The following CRELD2 variants were observed in gnomAD, a reference collection of about 807,000 sequenced individuals.
CRELD2 encodes CRELD disulfide isomerase 2.
A neutral mutation model predicts 48.1 loss-of-function variants in CRELD2; 33 were observed. The ratio of observed to expected loss-of-function variants is 0.69; its 90% confidence interval spans 0.52 to 0.92. CRELD2 has a LOEUF of 0.92. CRELD2 is among the 40% of genes least tolerant of loss of function. The pLI is 0.00. For missense variants in CRELD2, 477 were observed against 482.4 expected, an observed-to-expected ratio of 0.99 and a Z score of 0.10; for synonymous variants, 220 against 203.9, an observed-to-expected ratio of 1.08 and a Z score of -0.67.
rs184567550 is a variant in CRELD2 at position 49,925,172 on chromosome 22, G to T, written c.869-245G>T. On this transcript the variant is annotated intron_variant, in intron 8 of 9. Coordinates refer to ENST00000328268, the MANE Select transcript of CRELD2 (RefSeq NM_024324.5). ...GGAAAAGAAAGTGGGCTTCCTGGGC[G>T]CATGCTGGCCTTCCGGCCCCACCTG... 141 of 348,728 alleles carry T rather than the reference G, an allele frequency of 4.0e-4. 1 individual carries two copies. Among genetic ancestry groups the T allele is most frequent in the African/African-American group, 2.8e-3 (129 of 46,686 alleles). 21.6% of individuals were successfully genotyped at this position (348,728 alleles called of 1,614,324 possible). A position where few individuals can be genotyped will look rare whatever the true frequency, so the allele number is the denominator to read the frequency against.
intron 5 of CRELD2, 41 bp downstream of exon 5, chr22:49,921,802 A>T (rs1378826724): frequency 1.9e-6 from 3 of 1,575,264 alleles, no homozygotes; most frequent in East Asian, 4.5e-5. Flanking sequence ...TTGAGGCGGG[A>T]TGACAAGAGC....
chr22:49,923,004 G>A (rs375697289), intron 6 of CRELD2, among the ~76,000 whole-genome samples: 2 of 151,342 alleles, frequency 1.3e-5, no homozygotes, highest in East Asian at 1.9e-4. Context: ...CGCCTGCCCC[G>A]GTTGGCACTG....
chr22:49,923,253 C>G lies in CRELD2; in HGVS notation c.708C>G (p.Ala236=), dbSNP rs111557567. Residue 236 remains alanine (A), a synonymous_variant, in exon 7 of 10, where the codon GCC becomes GCG. Transcript: ENST00000328268. ...GACVDVDECA[A]EPPPCSAAQF... ...TTCCAGATGTGGACGAGTGTGCGGC[C>G]GAGCCGCCTCCCTGCAGCGCTGCGC... 12 of 1,590,314 alleles carry G rather than the reference C, an allele frequency of 7.5e-6. No homozygotes were observed. The highest frequency in any genetic ancestry group is 2.7e-5 in the African/African-American group (2 of 74,174).
chr22:49,923,743 C>T (rs1443309991), intron 7 of CRELD2: 3 of 305,514 alleles, frequency 9.8e-6, no homozygotes, highest in African/African-American at 2.7e-5. Context: ...TGGACGTTTA[C>T]GTCATAACAG....
chr22:49,922,136 A>G (rs2060694373), intron 5 of CRELD2: 1 of 827,932 alleles, frequency 1.2e-6, no homozygotes, highest in East Asian at 2.7e-5. Flanking sequence ...GCATCTTTCC[A>G]AAGGACGTTT....
intron 5 of CRELD2, 79 bp downstream of exon 5, chr22:49,921,840 G>A (rs1411154521): frequency 1.4e-6 from 2 of 1,426,346 alleles, no homozygotes; most frequent in East Asian, 4.6e-5. Context: ...TGCCTAGATG[G>A]GAACAGGGGC....
intron 9 of CRELD2, 124 bp from the exon 10 acceptor site, chr22:49,927,131 C>A: frequency 2.4e-6 from 2 of 838,942 alleles, no homozygotes; most frequent in Non-Finnish European, 4.1e-6. Flanking sequence ...TGGATGGCTG[C>A]GTCCGGGGCT....
intron 6 of CRELD2, among the ~76,000 whole-genome samples, 168 bp downstream of exon 6, chr22:49,922,875 G>C (rs1488990673): frequency 5.6e-5 from 6 of 108,056 alleles, no homozygotes; most frequent in East Asian, 3.5e-4. Context: ...GGTGTGGGGG[G>C]CGTGAGGTGT....
In CRELD2 at chr22:49,927,536, G is replaced by A; in HGVS notation, c.*229G>A. Reference sequence around the variant, plus strand: ...ATTGACCATTGTAGGTAATCAGGAGGAGAACGGGCGTGGGTTTGTCTCATT... The same window carrying A: ...ATTGACCATTGTAGGTAATCAGGAGAAGAACGGGCGTGGGTTTGTCTCATT... On this transcript the variant is annotated 3_prime_UTR_variant, in exon 10 of 10. Coordinates refer to ENST00000328268, the MANE Select transcript of CRELD2 (RefSeq NM_024324.5). 1 of 541,964 alleles carries A rather than the reference G, an allele frequency of 1.8e-6. No homozygotes were observed. The allele number at this position is 541,964 out of a possible 1,614,324, so 33.6% of individuals were successfully genotyped here.
chr22:49,920,331 G>A (rs2060671758), intron 4 of CRELD2, 84 bp downstream of exon 4: 2 of 969,348 alleles, frequency 2.1e-6, no homozygotes, highest in Non-Finnish European at 3.2e-6. Context: ...AAGCACAGAG[G>A]GGACCTGGGG....
intron 7 of CRELD2, chr22:49,923,564 T>C: frequency 1.6e-6 from 1 of 608,228 alleles, no homozygotes; most frequent in Non-Finnish European, 3.0e-6. Flanking sequence ...CCTCCACTGC[T>C]CGTGCCCCCC....
At chr22:49,927,182 C>T in intron 9 of CRELD2, 73 bp from the exon 10 acceptor site, 1 of 1,337,848 alleles carries the variant, frequency 7.5e-7, no homozygotes, top group Non-Finnish European at 1.1e-6. Flanking sequence ...ACATGCGCTG[C>T]TGTCCTGGGA....
chr22:49,919,280 G>A lies in CRELD2; in HGVS notation c.180G>A (p.Trp60Ter). Residue 60 changes from tryptophan to a stop codon, truncating the protein, a stop_gained, in exon 2 of 10, where the codon TGG becomes TGA. Coordinates refer to ENST00000328268, the MANE Select transcript of CRELD2 (RefSeq NM_024324.5). LOFTEE classifies it high-confidence loss of function. ...ACTTTGGCGGCGGGAACACGGCTTGGGAGGAAAAGACGCTGTCCAAGTACG... is the reference window on the plus strand; with the variant it reads ...ACTTTGGCGGCGGGAACACGGCTTGAGAGGAAAAGACGCTGTCCAAGTACG... ...KKNFGGGNTA[W>*]EEKTLSKYES... The A allele has an allele frequency of 1.2e-6, 2 of 1,613,668 alleles. No homozygotes were observed. The highest frequency in any genetic ancestry group is 1.7e-6 in the Non-Finnish European group (2 of 1,180,016).
chr22:49,927,282 A>G lies in CRELD2; in HGVS notation c.1037A>G (p.Gln346Arg). ...GCCACAGAAGGAGAAAGCCCGACAC[A>G]GCTGCCCTCCCGCGAAGACCTGTAA... ...AEATEGESPT[Q>R]LPSREDL The change falls in exon 10 of 10, where the codon CAG (glutamine) becomes CGG (arginine). Residue 346 changes from glutamine (Q) to arginine (R), a missense_variant. By Grantham distance (43) the Gln-to-Arg change is conservative. Transcript: ENST00000328268. 1 of 1,612,514 alleles carries G rather than the reference A, an allele frequency of 6.2e-7. No individual in the cohort carries two copies. Among genetic ancestry groups the G allele is most frequent in the Non-Finnish European group, 8.5e-7 (1 of 1,179,856 alleles).
chr22:49,924,917 G>A (rs572037083), intron 8 of CRELD2: 138 of 162,370 alleles, frequency 8.5e-4, no homozygotes, highest in Admixed American at 2.6e-3. Flanking sequence ...GGATCACGAG[G>A]TCAGGAGATC....
At chr22:49,920,726 G>A (rs1054145611) in intron 4 of CRELD2, among the ~76,000 whole-genome samples, 4 of 152,244 alleles carry the variant, frequency 2.6e-5, no homozygotes, top group Non-Finnish European at 5.9e-5. Context: ...GTGAAGAAGT[G>A]TGCATTGAAA....
At chr22:49,921,547 C>A in intron 4 of CRELD2, 38 bp from the exon 5 acceptor site, 1 of 1,595,202 alleles carries the variant, frequency 6.3e-7, no homozygotes, top group Non-Finnish European at 8.6e-7. Context: ...CCGGTCACCA[C>A]CAGGTGTGCT....
chr22:49,924,613 G>A (rs1033353725), intron 8 of CRELD2, 158 bp downstream of exon 8: 4 of 523,592 alleles, frequency 7.6e-6, no homozygotes, highest in East Asian at 3.3e-5. Context: ...TGAGGTCCAC[G>A]TGAGACACAG....
intron 8 of CRELD2, 63 bp downstream of exon 8, chr22:49,924,518 G>T (rs990826750): frequency 1.6e-6 from 2 of 1,226,412 alleles, no homozygotes; most frequent in Admixed American, 2.0e-5. Context: ...GATGTGAATG[G>T]CCCCAGCAGG....
Sources: allele counts gnomAD v4.1 joint callset (sites outside exome capture counted in the v4.1 genomes callset), GRCh38; gene constraint gnomAD v4.1.1; transcripts MANE v1.5; gene names NCBI Gene and HGNC (gene_info 2026-07-23, HGNC 2026-07-21).